The following PKNOX2 variants were observed in gnomAD, a reference collection of about 807,000 sequenced individuals.
The protein encoded by PKNOX2 is PBX/knotted 1 homeobox 2, also known as homeobox protein PKNOX2.
PKNOX2 carries 14 observed loss-of-function variants against 53.1 expected under a neutral mutation model. The ratio of observed to expected loss-of-function variants is 0.26; its 90% confidence interval spans 0.17 to 0.41. PKNOX2 has a LOEUF of 0.41. Ranked by LOEUF, PKNOX2 falls within the 10% of genes least tolerant of loss-of-function variation. The pLI is 1.00. For synonymous variants in PKNOX2, 257 were observed against 242.8 expected (o/e 1.06, Z -0.54); for missense variants, 496 against 602.8 (o/e 0.82, Z 1.85).
intron 1 of PKNOX2, among the ~76,000 whole-genome samples, chr11:125,222,378 TTGG>T (rs1401965877): frequency 6.6e-6 from 1 of 152,202 alleles, no homozygotes; most frequent in Non-Finnish European, 1.5e-5. Flanking sequence ...TTTGTTTTTC[TTGG>T]TGGAGCAGTT....
chr11:125,402,606 T>C lies in PKNOX2; in HGVS notation c.588+4544T>C, dbSNP rs761696874. 3.9e-5 allele frequency among the ~76,000 whole-genome samples: 6 copies of C among 152,240 alleles called. No individual in the cohort carries two copies. The East Asian group carries it at 7.7e-4, about 20-fold the overall frequency. On this transcript the variant is annotated intron_variant, in intron 7 of 12. Coordinates refer to ENST00000298282, the MANE Select transcript of PKNOX2 (RefSeq NM_001382323.2). Reference sequence around the variant, plus strand: ...CATTGTCCAAGAGGAGCTCCCAGTCTCAGGGAGAGAGAGCCATGAGTCACA... The same window carrying C: ...CATTGTCCAAGAGGAGCTCCCAGTCCCAGGGAGAGAGAGCCATGAGTCACA...
At chr11:125,249,360 A>C (rs1943824604) in intron 2 of PKNOX2, among the ~76,000 whole-genome samples, 1 of 152,196 alleles carries the variant, frequency 6.6e-6, no homozygotes, top group South Asian at 2.1e-4. Context: ...ATGGTGCAGC[A>C]AATAAACAAG....
At chr11:125,206,602 G>A (rs1939143301) in intron 1 of PKNOX2, among the ~76,000 whole-genome samples, 2 of 152,116 alleles carry the variant, frequency 1.3e-5, no homozygotes, top group Non-Finnish European at 2.9e-5. Context: ...CAGGTGCCCT[G>A]CTTTGCTACT....
chr11:125,336,193 G>A (rs1950425460), intron 3 of PKNOX2, among the ~76,000 whole-genome samples: 1 of 152,100 alleles, frequency 6.6e-6, no homozygotes, highest in African/African-American at 2.4e-5. Context: ...AGCAAACAGT[G>A]TAAAAGATAC....
intron 5 of PKNOX2, among the ~76,000 whole-genome samples, chr11:125,374,713 A>C (rs1470295434): frequency 6.6e-6 from 1 of 152,176 alleles, no homozygotes; most frequent in Non-Finnish European, 1.5e-5. Context: ...GGTCCCCGCC[A>C]AGACCAAAGA....
At chr11:125,176,404 C>T (rs1413412417) in intron 1 of PKNOX2, among the ~76,000 whole-genome samples, 4 of 152,152 alleles carry the variant, frequency 2.6e-5, no homozygotes, top group African/African-American at 7.2e-5. Context: ...GGGTTCCTGC[C>T]GGGAGGGCTC....
At chr11:125,229,457 C>T (rs148035213) in intron 1 of PKNOX2, among the ~76,000 whole-genome samples, 39 of 152,306 alleles carry the variant, frequency 2.6e-4, no homozygotes, top group African/African-American at 9.1e-4. Context: ...TGAAATTTTG[C>T]AAGGTTTAGA....
At chr11:125,236,037 T>TACTA (rs1942653593) in intron 2 of PKNOX2, among the ~76,000 whole-genome samples, 2 of 152,236 alleles carry the variant, frequency 1.3e-5, no homozygotes, top group African/African-American at 4.8e-5. Context: ...GTACGTTGGC[T>TACTA]TCCAACCAGT....
intron 2 of PKNOX2, among the ~76,000 whole-genome samples, chr11:125,314,393 C>A (rs1949021245): frequency 6.6e-6 from 1 of 152,100 alleles, no homozygotes; most frequent in Non-Finnish European, 1.5e-5. Context: ...GGAGGGGAGA[C>A]CTTGCTCAGA....
At chr11:125,195,922 C>CAA (rs1048248592) in intron 1 of PKNOX2, among the ~76,000 whole-genome samples, 13 of 141,308 alleles carry the variant, frequency 9.2e-5, no homozygotes, top group South Asian at 8.9e-4. Context: ...CACACACACA[C>CAA]AATTCATTGA....
At chr11:125,410,439 C>A in intron 8 of PKNOX2, 114 bp downstream of exon 8, 1 of 1,418,408 alleles carries the variant, frequency 7.1e-7, no homozygotes, top group Non-Finnish European at 9.5e-7. Flanking sequence ...GGGCTCCCAG[C>A]TCAGTTTCTT....
At chr11:125,392,468 C>T (rs1954109643) in intron 6 of PKNOX2, among the ~76,000 whole-genome samples, 1 of 152,212 alleles carries the variant, frequency 6.6e-6, no homozygotes, top group African/African-American at 2.4e-5. Context: ...TTATGATTTA[C>T]TCTACCTCCT....
intron 4 of PKNOX2, among the ~76,000 whole-genome samples, chr11:125,357,136 G>A (rs762414734): frequency 1.3e-5 from 2 of 152,190 alleles, no homozygotes; most frequent in Non-Finnish European, 2.9e-5. Context: ...CCCTTGCTTC[G>A]ACTCACCAAA....
intron 2 of PKNOX2, among the ~76,000 whole-genome samples, chr11:125,252,149 C>T (rs1299057267): frequency 6.6e-6 from 1 of 152,254 alleles, no homozygotes; most frequent in South Asian, 2.1e-4. Flanking sequence ...AGGGCTGATA[C>T]CTGAAGTGGC....
Position 125,356,654 on chromosome 11 carries a change from G to C in PKNOX2, c.87+5262G>C, listed in dbSNP as rs1017445842. On this transcript the variant is annotated intron_variant, in intron 4 of 12. Coordinates refer to ENST00000298282, the MANE Select transcript of PKNOX2 (RefSeq NM_001382323.2). ...CCTGCAAGAGGAAGGCTAAGGCTGG[G>C]CCAGCCACACTGAGGAAGCCAGACC... is the stretch of plus-strand genomic sequence containing the variant. Among the ~76,000 whole-genome samples, 45 of 152,260 alleles carry C rather than the reference G, an allele frequency of 3.0e-4. No individual in the cohort carries two copies. The East Asian group carries it at 8.7e-3, about 29-fold the overall frequency.
At chr11:125,202,445 C>T (rs1284485425) in intron 1 of PKNOX2, among the ~76,000 whole-genome samples, 1 of 152,238 alleles carries the variant, frequency 6.6e-6, no homozygotes, top group Non-Finnish European at 1.5e-5. Flanking sequence ...AGACCCCATA[C>T]CCTCCAGGGA....
chr11:125,411,796 G>A lies in PKNOX2; in HGVS notation c.867G>A (p.Lys289=). 1.2e-6 allele frequency: 2 copies of A among 1,614,156 alleles called. No homozygotes were observed. The highest frequency in any genetic ancestry group is 1.7e-6 in the Non-Finnish European group (2 of 1,180,032). The change falls in exon 10 of 13, where the codon AAG becomes AAA. Residue 289 remains lysine, a synonymous_variant. Coordinates refer to ENST00000298282, the MANE Select transcript of PKNOX2 (RefSeq NM_001382323.2). ...SLLDNEDKKS[K]NKRGVLPKHA... is the part of the protein sequence containing the mutation. ...TGGACAATGAGGATAAGAAGTCCAA[G>A]AACAAACGAGGAGTCTTGCCCAAGC...
At chr11:125,170,656 A>C (rs1955228762) in intron 1 of PKNOX2, among the ~76,000 whole-genome samples, 1 of 152,244 alleles carries the variant, frequency 6.6e-6, no homozygotes, top group African/African-American at 2.4e-5. Flanking sequence ...TTCTAATTAC[A>C]AGAAGGACGT....
At chr11:125,231,667 A>G (rs979331730) in intron 1 of PKNOX2, among the ~76,000 whole-genome samples, 1 of 152,150 alleles carries the variant, frequency 6.6e-6, no homozygotes, top group African/African-American at 2.4e-5. Flanking sequence ...GATGAGTGAA[A>G]CATAAGTACA....
Sources: allele counts gnomAD v4.1 joint callset (sites outside exome capture counted in the v4.1 genomes callset), GRCh38; gene constraint gnomAD v4.1.1; transcripts MANE v1.5; gene names NCBI Gene and HGNC (gene_info 2026-07-23, HGNC 2026-07-21).